Variants in PHKA1 observed in about 807,000 individuals in gnomAD.
PHKA1 encodes phosphorylase b kinase regulatory subunit alpha, skeletal muscle isoform.
In PHKA1, 60 loss-of-function variants were observed where a neutral mutation model predicts 110.2. The observed-to-expected ratio is 0.54, with a 90% confidence interval of 0.44 to 0.68. The LOEUF (loss-of-function observed/expected upper bound fraction) is 0.68. Among genes scored for constraint, PHKA1 ranks in the 30% least tolerant of loss-of-function variants. PHKA1 has a pLI of 0.00. For missense variants in PHKA1, 801 were observed against 942.5 expected (o/e 0.85, Z 1.97); for synonymous variants, 316 against 333.6 (o/e 0.95, Z 0.58).
intron 13 of PHKA1, among the ~76,000 whole-genome samples, chrX:72,649,940 C>T (rs782475805): frequency 7.5e-5 from 8 of 106,354 alleles, no homozygotes; most frequent in African/African-American, 2.1e-4. Context: ...TGCAGTGAGC[C>T]GAGATTGCCC....
rs1325926197 is a variant in PHKA1, at chrX:72,580,998, G to C, written c.*4C>G. 1.2e-5 allele frequency: 15 copies of C among 1,207,714 alleles called. No individual in the cohort carries two copies. Among genetic ancestry groups the C allele is most frequent in the Non-Finnish European group, 1.7e-5 (15 of 893,357 alleles). On this transcript the variant is annotated 3_prime_UTR_variant, in exon 32 of 32. Coordinates refer to ENST00000373542, the MANE Select transcript of PHKA1 (RefSeq NM_002637.4). Reference sequence around the variant, plus strand: ...AGGCTCCCAGAAGCCAGGAACCAAAGCCCTCATTGCATGGCACAGATGCTG... The same window carrying C: ...AGGCTCCCAGAAGCCAGGAACCAAACCCCTCATTGCATGGCACAGATGCTG...
chrX:72,713,678 A>ACACACACC, intron 1 of PHKA1, 125 bp downstream of exon 1: 1 of 547,815 alleles, frequency 1.8e-6, no homozygotes, highest in Non-Finnish European at 3.1e-6. Context: ...CGTCACACAC[A>ACACACACC]CACACACACA....
At chrX:72,694,377 G>A (rs1053516260) in intron 4 of PHKA1, among the ~76,000 whole-genome samples, 51 of 111,854 alleles carry the variant, frequency 4.6e-4, no homozygotes, top group African/African-American at 1.4e-3. Context: ...TGAATGACTC[G>A]CTACTGATGA....
At chrX:72,604,456 G>C (rs1358279072) in intron 25 of PHKA1, among the ~76,000 whole-genome samples, 1 of 111,573 alleles carries the variant, frequency 9.0e-6, no homozygotes, top group Non-Finnish European at 1.9e-5. Flanking sequence ...TTCTGTCAAA[G>C]GGTTACTTAA....
At chrX:72,655,653 C>T (rs782543344) in intron 10 of PHKA1, among the ~76,000 whole-genome samples, 24 of 110,028 alleles carry the variant, frequency 2.2e-4, no homozygotes, top group African/African-American at 7.9e-4. Context: ...GACGGAGTCT[C>T]GCTCTGTCGC....
At chrX:72,693,822 C>T (rs782122506) in intron 4 of PHKA1, among the ~76,000 whole-genome samples, 69 of 111,170 alleles carry the variant, frequency 6.2e-4, no homozygotes, top group Non-Finnish European at 1.1e-3. Context: ...TGGTTGTACC[C>T]GCCTTGAATA....
At chrX:72,681,704 C>CT (rs2053878748) in intron 5 of PHKA1, among the ~76,000 whole-genome samples, 1 of 79,931 alleles carries the variant, frequency 1.3e-5, no homozygotes, top group Non-Finnish European at 2.4e-5. Context: ...CCAGCCGCCC[C>CT]GTCCGGGAGG....
intron 31 of PHKA1, among the ~76,000 whole-genome samples, chrX:72,581,486 T>C (rs891615826): frequency 8.9e-6 from 1 of 112,039 alleles, no homozygotes; most frequent in Non-Finnish European, 1.9e-5. Flanking sequence ...TACCTATTAA[T>C]AGACAAATGT....
intron 7 of PHKA1, among the ~76,000 whole-genome samples, chrX:72,666,503 C>T (rs1900134144): frequency 9.0e-6 from 1 of 111,609 alleles, no homozygotes; most frequent in Admixed American, 9.5e-5. Context: ...TAGAAGAGGA[C>T]CATTCACAAG....
At chrX:72,676,307 G>A (rs1269396943) in intron 5 of PHKA1, among the ~76,000 whole-genome samples, 157 bp from the exon 6 acceptor site, 6 of 111,147 alleles carry the variant, frequency 5.4e-5, no homozygotes, top group Non-Finnish European at 1.1e-4. Context: ...AGATGCTAAT[G>A]TGTGGGGTGG....
At chrX:72,665,962 T>A (rs1207423241) in intron 8 of PHKA1, among the ~76,000 whole-genome samples, 189 bp downstream of exon 8, 1 of 112,070 alleles carries the variant, frequency 8.9e-6, no homozygotes, top group African/African-American at 3.2e-5. Context: ...AAAGTGGGTG[T>A]ACCACCCTGC....
chrX:72,679,844 AG>A (rs1323729989), intron 5 of PHKA1, among the ~76,000 whole-genome samples: 1 of 110,391 alleles, frequency 9.1e-6, no homozygotes, highest in Non-Finnish European at 1.9e-5. Context: ...ACTCGAAGGA[AG>A]GGGGGGAACA....
intron 8 of PHKA1, among the ~76,000 whole-genome samples, chrX:72,662,520 T>C (rs2053572018): frequency 8.9e-6 from 1 of 112,074 alleles, no homozygotes; most frequent in African/African-American, 3.2e-5. Flanking sequence ...GCTCCACCCC[T>C]GGCAAGCCAG....
At chrX:72,687,810 A>AT (rs1355319025) in intron 4 of PHKA1, among the ~76,000 whole-genome samples, 2 of 108,498 alleles carry the variant, frequency 1.8e-5, no homozygotes, top group Non-Finnish European at 3.8e-5. Context: ...TGTTTATAGT[A>AT]TTTTTTTATT....
At chrX:72,605,088 A>T (rs1346139318) in intron 25 of PHKA1, among the ~76,000 whole-genome samples, 183 bp downstream of exon 25, 3 of 112,241 alleles carry the variant, frequency 2.7e-5, no homozygotes, top group African/African-American at 9.7e-5. Context: ...ACTGATACAC[A>T]AATGTGTCAT....
chrX:72,710,042 C>CAAA (rs374071163), intron 2 of PHKA1, among the ~76,000 whole-genome samples: 22 of 19,085 alleles, frequency 1.2e-3, no homozygotes, highest in African/African-American at 2.1e-3. Flanking sequence ...ACTTAGTCTT[C>CAAA]AAAAAAAAAA....
intron 10 of PHKA1, among the ~76,000 whole-genome samples, chrX:72,655,087 G>A (rs1455276418): frequency 1.8e-5 from 2 of 109,339 alleles, no homozygotes; most frequent in African/African-American, 6.6e-5. Flanking sequence ...GTGAGCCACC[G>A]CGCCCGGCCA....
In PHKA1 at chrX:72,626,966, C is replaced by T; in HGVS notation, c.1793+5G>A. 1 of 1,193,360 alleles carries T rather than the reference C, an allele frequency of 8.4e-7. No individual in the cohort carries two copies. The highest frequency in any genetic ancestry group is 1.1e-6 in the Non-Finnish European group (1 of 878,737). ...TTCACTAAAGAGTGTATAGAGGTCACTTACCTTGCCCCACCAAAATACCCA... is the reference window on the plus strand; with the variant it reads ...TTCACTAAAGAGTGTATAGAGGTCATTTACCTTGCCCCACCAAAATACCCA... On this transcript the variant is annotated splice_donor_5th_base_variant and intron_variant, in intron 17 of 31. Transcript: ENST00000373542.
chrX:72,677,282 C>T (rs1367144133), intron 5 of PHKA1, among the ~76,000 whole-genome samples: 2 of 112,297 alleles, frequency 1.8e-5, no homozygotes, highest in Non-Finnish European at 3.8e-5. Flanking sequence ...GCTGATACGT[C>T]TTATTACTGG....
Sources: gnomAD v4.1 joint callset for allele counts (sites outside exome capture counted in the v4.1 genomes callset) on GRCh38, gnomAD v4.1.1 for gene constraint, MANE v1.5 for transcripts, NCBI Gene and HGNC (gene_info 2026-07-23, HGNC 2026-07-21) for gene names.